PMF1: variants seen among roughly 807,000 people sequenced by gnomAD.
PMF1 encodes the protein polyamine-modulated factor 1.
PMF1 carries 21 observed loss-of-function variants against 26.7 expected under a neutral mutation model. That is an observed-to-expected ratio of 0.79 (90% CI 0.56 to 1.13). The LOEUF (loss-of-function observed/expected upper bound fraction) is 1.13. Among genes scored for constraint, PMF1 ranks in the 50% most tolerant of loss-of-function variants. The pLI is 0.00. For missense variants in PMF1, 266 were observed against 254.9 expected, an observed-to-expected ratio of 1.04 and a Z score of -0.30; for synonymous variants, 105 against 101.0, an observed-to-expected ratio of 1.04 and a Z score of -0.24.
In PMF1 at chr1:156,236,484, G is replaced by T; in HGVS notation, c.564+1G>T. ...CCAGGCCCAGCAGCAGGCCTGGCAGGTCAGTGTCCCAGCCTGCCTCTTCCT... is the reference window on the plus strand; with the variant it reads ...CCAGGCCCAGCAGCAGGCCTGGCAGTTCAGTGTCCCAGCCTGCCTCTTCCT... On this transcript the variant is annotated splice_donor_variant, in intron 4 of 4. Coordinates refer to ENST00000368277, the MANE Select transcript of PMF1 (RefSeq NM_007221.4). LOFTEE classifies it high-confidence loss of function. The T allele has an allele frequency of 1.2e-6, 2 of 1,605,926 alleles. No individual in the cohort carries two copies. The highest frequency in any genetic ancestry group is 1.7e-6 in the Non-Finnish European group (2 of 1,175,918).
intron 3 of PMF1, among the ~76,000 whole-genome samples, chr1:156,235,170 G>A (rs1572504623): frequency 6.6e-6 from 1 of 151,348 alleles, no homozygotes; most frequent in African/African-American, 2.4e-5. Flanking sequence ...TCCAGGCCAG[G>A]CTAGAGTACA....
rs765580235 is a variant in PMF1, at chr1:156,239,593, C to G, written c.610C>G (p.Pro204Ala). The change falls in exon 5 of 5, where the codon CCT becomes GCT. Residue 204 changes from proline (P) to alanine (A), a missense_variant. Transcript: ENST00000368277. ...GGAGCTGGTTGCTGTGCTGAGGGAG[C>G]CTGAGTGAGGAGACCGCCAGCCCCA... ...QRELVAVLRE[P>A]E is the part of the protein sequence containing the mutation. The G allele has an allele frequency of 9.9e-6, 16 of 1,612,194 alleles. No individual in the cohort carries two copies. The South Asian group carries it at 1.2e-4, about 12-fold the overall frequency.
At chr1:156,229,715 C>T (rs980307490) in intron 1 of PMF1, among the ~76,000 whole-genome samples, 4 of 151,878 alleles carry the variant, frequency 2.6e-5, no homozygotes, top group African/African-American at 9.7e-5. Flanking sequence ...GGATTACAGG[C>T]GTGCATCACC....
At chr1:156,214,799 C>G (rs1263292112) in intron 1 of PMF1, among the ~76,000 whole-genome samples, 1 of 151,236 alleles carries the variant, frequency 6.6e-6, no homozygotes, top group East Asian at 1.9e-4. Context: ...AGATAGGATG[C>G]TTGGGGCGCC....
At chr1:156,236,535 G>T (rs747977530) in intron 4 of PMF1, 52 bp downstream of exon 4, 69 of 1,534,160 alleles carry the variant, frequency 4.5e-5, no homozygotes, top group Non-Finnish European at 5.6e-5. Flanking sequence ...GGCCCTCTGA[G>T]ATCCGCAAAT....
chr1:156,217,667 G>A (rs1657844543), intron 1 of PMF1, among the ~76,000 whole-genome samples: 1 of 151,372 alleles, frequency 6.6e-6, no homozygotes, highest in African/African-American at 2.4e-5. Context: ...CGGGGAAGTT[G>A]CAGTGAGCTG....
At chr1:156,235,995 G>A (rs766295768) in intron 3 of PMF1, among the ~76,000 whole-genome samples, 2 of 152,172 alleles carry the variant, frequency 1.3e-5, no homozygotes, top group Non-Finnish European at 2.9e-5. Context: ...GGATAGGGGA[G>A]TGTGTGTGGA....
At chr1:156,232,962 C>T (rs552116961) in intron 2 of PMF1, among the ~76,000 whole-genome samples, 1 of 138,512 alleles carries the variant, frequency 7.2e-6, no homozygotes, top group South Asian at 2.2e-4. Context: ...CTCTGTCACT[C>T]AGGCTGGAGT....
chr1:156,220,820 T>A (rs1304385981), intron 1 of PMF1: 1 of 151,954 alleles, frequency 6.6e-6, no homozygotes, highest in Admixed American at 6.6e-5. Flanking sequence ...CCCAGCTAAT[T>A]TTTGTATTTT....
intron 4 of PMF1, among the ~76,000 whole-genome samples, chr1:156,238,476 C>G (rs1205811090): frequency 2.0e-5 from 3 of 152,226 alleles, no homozygotes; most frequent in Admixed American, 6.5e-5. Flanking sequence ...CACAATGAGA[C>G]AGATTTTCCT....
At chr1:156,239,194 T>A (rs1054237295) in intron 4 of PMF1, among the ~76,000 whole-genome samples, 1 of 152,218 alleles carries the variant, frequency 6.6e-6, no homozygotes, top group Non-Finnish European at 1.5e-5. Context: ...TTTCCATGTC[T>A]GTAACTCAAC....
chr1:156,216,616 G>C (rs1572477762), intron 1 of PMF1, among the ~76,000 whole-genome samples: 1 of 151,784 alleles, frequency 6.6e-6, no homozygotes, highest in Non-Finnish European at 1.5e-5. Flanking sequence ...CCCGGTGCCG[G>C]CCCGGGTCCG....
chr1:156,235,380 T>C (rs1658946319), intron 3 of PMF1, among the ~76,000 whole-genome samples: 1 of 150,360 alleles, frequency 6.7e-6, no homozygotes, highest in African/African-American at 2.5e-5. Context: ...TGCCTTGGCC[T>C]CCCAAAGTGC....
intron 1 of PMF1, 146 bp downstream of exon 1, chr1:156,213,322 G>A: frequency 2.4e-6 from 3 of 1,228,944 alleles, no homozygotes; most frequent in Non-Finnish European, 3.3e-6. Flanking sequence ...GTCAAATCCT[G>A]AGCCTTAGGA....
chr1:156,216,543 G>C (rs1418284106), intron 1 of PMF1, among the ~76,000 whole-genome samples: 2 of 152,060 alleles, frequency 1.3e-5, no homozygotes, highest in African/African-American at 2.4e-5. Flanking sequence ...CCGTGCTCCT[G>C]CTTGAGCCGC....
chr1:156,217,190 A>AATGTGTATACTTT (rs1657806885), intron 1 of PMF1, among the ~76,000 whole-genome samples: 1 of 149,532 alleles, frequency 6.7e-6, no homozygotes, highest in South Asian at 2.1e-4. Flanking sequence ...ATATGTAAGT[A>AATGTGTATACTTT]ACCTGCACAA....
At chr1:156,228,969 C>T (rs796123010) in intron 1 of PMF1, among the ~76,000 whole-genome samples, 6 of 152,188 alleles carry the variant, frequency 3.9e-5, no homozygotes, top group African/African-American at 9.6e-5. Flanking sequence ...AGTGCAGTGG[C>T]GTGATCTCAG....
At position 156,239,838 on chromosome 1, in the gene PMF1, A is replaced by C. The variant is rs1390574258; in HGVS notation, c.*237A>C. ...TTCCTCTGTTTCTTCTACCTGGATA[A>C]TTCTTGGCCATGTTCTCTCTTCTCT... is the stretch of plus-strand genomic sequence containing the variant. On this transcript the variant is annotated 3_prime_UTR_variant, in exon 5 of 5. Transcript: ENST00000368277. 4.0e-6 allele frequency: 2 copies of C among 500,040 alleles called. No homozygotes were observed. The highest frequency in any genetic ancestry group is 3.6e-6 in the Non-Finnish European group (1 of 281,448). 31.0% of individuals were successfully genotyped at this position (500,040 alleles called of 1,614,324 possible). A position where few individuals can be genotyped will look rare whatever the true frequency, so the allele number is the denominator to read the frequency against.
At chr1:156,213,648 C>T (rs982426033) in intron 1 of PMF1, among the ~76,000 whole-genome samples, 3 of 151,608 alleles carry the variant, frequency 2.0e-5, no homozygotes, top group African/African-American at 4.8e-5. Flanking sequence ...GGGTTTAAGT[C>T]GCGGCCCACC....
Sources: gnomAD v4.1 joint callset for allele counts (sites outside exome capture counted in the v4.1 genomes callset) on GRCh38, gnomAD v4.1.1 for gene constraint, MANE v1.5 for transcripts, NCBI Gene and HGNC (gene_info 2026-07-23, HGNC 2026-07-21) for gene names.